DIP2C: variants seen among roughly 807,000 people sequenced by gnomAD.
The protein encoded by DIP2C is disco-interacting protein 2 homolog C.
A neutral mutation model predicts 192.4 loss-of-function variants in DIP2C; 33 were observed. The observed-to-expected ratio is 0.17, with a 90% CI of 0.13 to 0.23. DIP2C has a LOEUF of 0.23. Among genes scored for constraint, DIP2C ranks in the 10% least tolerant of loss-of-function variants. The pLI, the probability that DIP2C is intolerant of heterozygous loss-of-function variation, is 1.00. For missense variants in DIP2C, 1,537 were observed against 2,110.1 expected, an observed-to-expected ratio of 0.73 and a Z score of 5.32; for synonymous variants, 979 against 864.1, an observed-to-expected ratio of 1.13 and a Z score of -2.33.
chr10:277,606 A>G (rs780899335), intron 36 of DIP2C, 29 bp from the exon 37 acceptor site: 14 of 1,611,172 alleles, frequency 8.7e-6, no homozygotes, highest in African/African-American at 2.7e-5. Flanking sequence ...AGCCATCATT[A>G]TATGTTTATT....
At chr10:680,869 C>T (rs1831103718) in intron 1 of DIP2C, among the ~76,000 whole-genome samples, 1 of 152,246 alleles carries the variant, frequency 6.6e-6, no homozygotes, top group Non-Finnish European at 1.5e-5. Flanking sequence ...GGTGCAGCCA[C>T]CGCCTGTGGC....
At chr10:592,709 T>C (rs181026237) in intron 1 of DIP2C, among the ~76,000 whole-genome samples, 17 of 152,292 alleles carry the variant, frequency 1.1e-4, no homozygotes, top group African/African-American at 3.9e-4. Context: ...ATTATAACTA[T>C]TACTATGAAA....
At chr10:648,266 A>C (rs10737002) in intron 1 of DIP2C, among the ~76,000 whole-genome samples, 2 of 150,384 alleles carry the variant, frequency 1.3e-5, no homozygotes, top group Non-Finnish European at 3.0e-5. Flanking sequence ...GGCGAGAACA[A>C]AGGGAAACTG....
At position 276,470 on chromosome 10, in the gene DIP2C, T is replaced by G. The variant is rs1041842924; in HGVS notation, c.*855A>C. ...GAATTTATATTTCATATATATATAT[T>G]TGTTGTGATACTATCCACGCAAGAT... On this transcript the variant is annotated 3_prime_UTR_variant, in exon 37 of 37. Coordinates refer to ENST00000280886, the MANE Select transcript of DIP2C (RefSeq NM_014974.3). 3 of 152,600 alleles carry G rather than the reference T, an allele frequency of 2.0e-5. No homozygotes were observed. The highest frequency in any genetic ancestry group is 2.9e-5 in the Non-Finnish European group (2 of 68,038). 9.5% of individuals were successfully genotyped at this position (152,600 alleles called of 1,614,324 possible).
chr10:602,881 G>A (rs975105866), intron 1 of DIP2C, among the ~76,000 whole-genome samples: 1 of 152,108 alleles, frequency 6.6e-6, no homozygotes, highest in African/African-American at 2.4e-5. Context: ...ACAGCAACAT[G>A]TCACCTGCTC....
At chr10:359,835 G>A (rs1408798377) in intron 22 of DIP2C, among the ~76,000 whole-genome samples, 1 of 152,148 alleles carries the variant, frequency 6.6e-6, no homozygotes, top group Non-Finnish European at 1.5e-5. Flanking sequence ...TGCCCAGGCT[G>A]GTCTCGAAGT....
At chr10:550,865 A>T (rs1423470858) in intron 1 of DIP2C, among the ~76,000 whole-genome samples, 2 of 152,228 alleles carry the variant, frequency 1.3e-5, no homozygotes, top group African/African-American at 4.8e-5. Context: ...GCCGGGACTG[A>T]GAAGGTCAGC....
intron 1 of DIP2C, among the ~76,000 whole-genome samples, chr10:553,911 TTGTAAC>T (rs1848710238): frequency 6.6e-6 from 1 of 151,882 alleles, no homozygotes; most frequent in South Asian, 2.1e-4. Flanking sequence ...AGGTATACGC[TTGTAAC>T]TGTAACAGTG....
intron 1 of DIP2C, among the ~76,000 whole-genome samples, chr10:511,356 T>G (rs1450310092): frequency 6.6e-6 from 1 of 152,216 alleles, no homozygotes; most frequent in Middle Eastern, 3.2e-3. Context: ...GGCAACAGAT[T>G]CAACAGAGTT....
At chr10:499,480 C>T (rs746794853) in intron 1 of DIP2C, among the ~76,000 whole-genome samples, 15 of 152,082 alleles carry the variant, frequency 9.9e-5, no homozygotes, top group Non-Finnish European at 1.6e-4. Flanking sequence ...TGGCAGAAGG[C>T]GAAGGGGAAG....
rs1028064148 is a variant in DIP2C, at chr10:280,299, C to T, written c.4418+901G>A. Among the ~76,000 whole-genome samples, 3 of 152,230 alleles carry T rather than the reference C, an allele frequency of 2.0e-5. No homozygotes were observed. The East Asian group carries it at 5.8e-4, about 29-fold the overall frequency. On this transcript the variant is annotated intron_variant, in intron 36 of 36. Transcript: ENST00000280886. ...GGAACAATCTCAGAACCCATCCTTT[C>T]AACCCAGAAGAGCTGTTCATGAGAG...
At chr10:284,088 C>T (rs564016675) in intron 34 of DIP2C, among the ~76,000 whole-genome samples, 6 of 152,294 alleles carry the variant, frequency 3.9e-5, no homozygotes, top group Admixed American at 1.3e-4. Context: ...CAGATGCCCA[C>T]GCAGCTGTGC....
intron 4 of DIP2C, among the ~76,000 whole-genome samples, chr10:437,126 T>C (rs7907520): frequency 0.98 from 125,320 of 128,250 alleles, 61,226 homozygotes; most frequent in South Asian, 1. Flanking sequence ...ATATGCTCCG[T>C]CCACACCTGA....
At chr10:598,048 A>C (rs1209953376) in intron 1 of DIP2C, among the ~76,000 whole-genome samples, 3 of 152,194 alleles carry the variant, frequency 2.0e-5, no homozygotes, top group South Asian at 2.1e-4. Flanking sequence ...GGCCTCCTCT[A>C]ACCACCGCTG....
chr10:384,669 A>AGCATGGAGGG, intron 14 of DIP2C, 30 bp from the exon 15 acceptor site: 1 of 1,609,190 alleles, frequency 6.2e-7, no homozygotes, highest in Non-Finnish European at 8.5e-7. Context: ...ACGCAGGGTG[A>AGCATGGAGGG]GCATGGAGGG....
In DIP2C at chr10:528,792, C is replaced by T. The variant is rs963735167; in HGVS notation, c.86-42262G>A. Among the ~76,000 whole-genome samples, 7 of 152,150 alleles carry T rather than the reference C, an allele frequency of 4.6e-5. No homozygotes were observed. The South Asian group carries it at 6.2e-4, about 14-fold the overall frequency. On this transcript the variant is annotated intron_variant, in intron 1 of 36. Transcript: ENST00000280886. Reference sequence around the variant, plus strand: ...GCATCAGTGCTTCCACAGGTGAGGCCGGGGGCAGAAGCCAACCTCAAGCAG... The same window carrying T: ...GCATCAGTGCTTCCACAGGTGAGGCTGGGGGCAGAAGCCAACCTCAAGCAG...
intron 1 of DIP2C, among the ~76,000 whole-genome samples, chr10:681,986 G>T (rs1212884488): frequency 6.6e-6 from 1 of 152,266 alleles, no homozygotes; most frequent in Non-Finnish European, 1.5e-5. Flanking sequence ...ACAGTGAGCT[G>T]ATGGCCTTCC....
At chr10:366,149 T>C (rs1960171330) in intron 19 of DIP2C, 126 bp downstream of exon 19, 1 of 1,359,674 alleles carries the variant, frequency 7.4e-7, no homozygotes, top group South Asian at 1.4e-5. Flanking sequence ...GCCATCGTTT[T>C]CATTCATATA....
chr10:577,247 G>A (rs1254881211), intron 1 of DIP2C, among the ~76,000 whole-genome samples: 4 of 152,230 alleles, frequency 2.6e-5, no homozygotes, highest in African/African-American at 9.6e-5. Context: ...CTCCAGTTAA[G>A]TCACTGGATT....
Sources: gnomAD v4.1 joint callset for allele counts (sites outside exome capture counted in the v4.1 genomes callset) on GRCh38, gnomAD v4.1.1 for gene constraint, MANE v1.5 for transcripts, NCBI Gene and HGNC (gene_info 2026-07-23, HGNC 2026-07-21) for gene names.